Variants in HS3ST4 observed in about 807,000 individuals in gnomAD.
HS3ST4 encodes heparan sulfate glucosamine 3-O-sulfotransferase 4.
In HS3ST4, 17 loss-of-function variants were observed where a neutral mutation model predicts 29.2. The ratio of observed to expected loss-of-function variants is 0.58; its 90% CI spans 0.40 to 0.87. The LOEUF (loss-of-function observed/expected upper bound fraction) is 0.87. HS3ST4 is among the 40% of genes least tolerant of loss of function. The probability of loss-of-function intolerance (pLI) is 0.00; values close to 1 mark genes in which losing one functional copy is unlikely to be tolerated. For missense variants in HS3ST4, 627 were observed against 634.5 expected (o/e 0.99, Z 0.13); for synonymous variants, 314 against 285.7 (o/e 1.10, Z -1.00).
intron 1 of HS3ST4, among the ~76,000 whole-genome samples, chr16:25,901,808 C>T (rs1968122113): frequency 6.6e-6 from 1 of 152,198 alleles, no homozygotes; most frequent in South Asian, 2.1e-4. Context: ...TTTTTCTTGT[C>T]CTCTCACCAC....
intron 1 of HS3ST4, among the ~76,000 whole-genome samples, chr16:26,118,332 G>A (rs1899225948): frequency 6.6e-6 from 1 of 152,066 alleles, no homozygotes; most frequent in East Asian, 1.9e-4. Flanking sequence ...CTTCTGCCTT[G>A]GACTCCCAAA....
At chr16:25,694,594 C>T (rs1011484072) in intron 1 of HS3ST4, among the ~76,000 whole-genome samples, 2 of 152,130 alleles carry the variant, frequency 1.3e-5, no homozygotes, top group African/African-American at 4.8e-5. Context: ...ACATCAGAAG[C>T]CATGGCTTCC....
intron 1 of HS3ST4, among the ~76,000 whole-genome samples, chr16:25,707,379 C>T (rs1272257155): frequency 2.0e-5 from 3 of 152,062 alleles, no homozygotes; most frequent in Non-Finnish European, 2.9e-5. Flanking sequence ...TAATCTCTTA[C>T]TGTACCTAAT....
chr16:25,788,111 A>T (rs1966860238), intron 1 of HS3ST4, among the ~76,000 whole-genome samples: 1 of 152,172 alleles, frequency 6.6e-6, no homozygotes, highest in Admixed American at 6.6e-5. Flanking sequence ...GATTATATTC[A>T]GGTTCTCACA....
At chr16:25,735,399 T>A (rs1409588372) in intron 1 of HS3ST4, among the ~76,000 whole-genome samples, 1 of 152,090 alleles carries the variant, frequency 6.6e-6, no homozygotes, top group East Asian at 1.9e-4. Context: ...CTTTTTTTTT[T>A]TTATTTGAGA....
intron 1 of HS3ST4, among the ~76,000 whole-genome samples, chr16:26,108,160 T>C (rs1228781871): frequency 1.3e-5 from 2 of 152,196 alleles, no homozygotes; most frequent in African/African-American, 4.8e-5. Context: ...GGTAATATGG[T>C]ATCACACTGT....
At chr16:25,966,694 C>G (rs888394057) in intron 1 of HS3ST4, among the ~76,000 whole-genome samples, 1 of 106,172 alleles carries the variant, frequency 9.4e-6, no homozygotes, top group African/African-American at 3.5e-5. Flanking sequence ...TGTTTCTGCT[C>G]TCTGCATAGC....
At chr16:25,998,960 A>G (rs1041846187) in intron 1 of HS3ST4, among the ~76,000 whole-genome samples, 1 of 152,174 alleles carries the variant, frequency 6.6e-6, no homozygotes, top group Non-Finnish European at 1.5e-5. Flanking sequence ...GTTTGATAGA[A>G]TTCACTTCTG....
intron 1 of HS3ST4, among the ~76,000 whole-genome samples, chr16:26,073,075 C>T (rs1429759303): frequency 6.6e-6 from 1 of 152,202 alleles, no homozygotes; most frequent in East Asian, 1.9e-4. Context: ...CAGTGTCTAG[C>T]ACATAGTAAA....
At chr16:26,036,201 C>T (rs1567298912) in intron 1 of HS3ST4, among the ~76,000 whole-genome samples, 2 of 152,158 alleles carry the variant, frequency 1.3e-5, no homozygotes, top group African/African-American at 4.8e-5. Context: ...TTATTTCAGC[C>T]CCATTAAGAT....
intron 1 of HS3ST4, among the ~76,000 whole-genome samples, chr16:25,969,772 T>C (rs1192246306): frequency 1.3e-5 from 2 of 152,220 alleles, no homozygotes; most frequent in African/African-American, 2.4e-5. Context: ...GGGCCGCCCA[T>C]GGCATGAACT....
chr16:25,950,737 G>C (rs151271386), intron 1 of HS3ST4, among the ~76,000 whole-genome samples: 1 of 152,094 alleles, frequency 6.6e-6, no homozygotes, highest in Non-Finnish European at 1.5e-5. Flanking sequence ...GAGTCCCACA[G>C]ACTTGCACAG....
At chr16:25,829,028 A>T (rs949417370) in intron 1 of HS3ST4, among the ~76,000 whole-genome samples, 2 of 152,218 alleles carry the variant, frequency 1.3e-5, no homozygotes, top group African/African-American at 4.8e-5. Context: ...CTAAATAAAG[A>T]CCAAGAAGTG....
intron 1 of HS3ST4, among the ~76,000 whole-genome samples, chr16:25,880,277 A>T (rs775398184): frequency 2.6e-5 from 4 of 152,146 alleles, no homozygotes; most frequent in Non-Finnish European, 5.9e-5. Context: ...TCTAAGTTCC[A>T]TTTGGCCAGG....
At chr16:25,918,485 A>T (rs1249191317) in intron 1 of HS3ST4, among the ~76,000 whole-genome samples, 1 of 152,218 alleles carries the variant, frequency 6.6e-6, no homozygotes, top group Non-Finnish European at 1.5e-5. Flanking sequence ...CAAGAGTTAG[A>T]AAAAATAGAG....
chr16:25,858,370 A>G (rs965167418), intron 1 of HS3ST4, among the ~76,000 whole-genome samples: 1 of 152,148 alleles, frequency 6.6e-6, no homozygotes, highest in Non-Finnish European at 1.5e-5. Context: ...CTTATTATCA[A>G]TACATTCTGT....
chr16:26,063,895 T>G (rs1898510778), intron 1 of HS3ST4, among the ~76,000 whole-genome samples: 1 of 152,188 alleles, frequency 6.6e-6, no homozygotes. Context: ...CGTGGGTAAC[T>G]AGTAAACTCC....
chr16:26,009,514 G>A (rs537426342), intron 1 of HS3ST4, among the ~76,000 whole-genome samples: 1 of 152,270 alleles, frequency 6.6e-6, no homozygotes, highest in East Asian at 1.9e-4. Flanking sequence ...AAATACCAGT[G>A]ACTTAACACA....
chr16:26,133,835 T>C (rs1487619467), intron 1 of HS3ST4, among the ~76,000 whole-genome samples: 5 of 152,232 alleles, frequency 3.3e-5, no homozygotes, highest in Admixed American at 3.3e-4. Context: ...TAAAAGCATG[T>C]CATCATAACA....
Sources: gnomAD v4.1 joint callset for allele counts (sites outside exome capture counted in the v4.1 genomes callset) on GRCh38, gnomAD v4.1.1 for gene constraint, MANE v1.5 for transcripts, NCBI Gene and HGNC (gene_info 2026-07-23, HGNC 2026-07-21) for gene names.